The following GPHN variants were observed in gnomAD, a reference collection of about 807,000 sequenced individuals.
GPHN encodes the protein gephyrin.
A neutral mutation model predicts 95.5 loss-of-function variants in GPHN; 17 were observed. That is an observed-to-expected ratio of 0.18 (90% CI 0.12 to 0.27). The LOEUF is 0.27. GPHN is among the 10% of genes least tolerant of loss of function. The pLI is 1.00. For synonymous variants in GPHN, 320 were observed against 322.5 expected (o/e 0.99, Z 0.08); for missense variants, 660 against 978.1 (o/e 0.67, Z 4.34).
the GPHN span, chr14:67,392,230 C>T: frequency 3.5e-6 from 3 of 854,660 alleles, no homozygotes; most frequent in Admixed American, 5.3e-5. Flanking sequence ...TTGGTGCCCT[C>T]CAGCAGCCTC....
the GPHN span, among the ~76,000 whole-genome samples, chr14:67,329,880 A>G: frequency 4.9e-3 from 437 of 89,668 alleles, 4 homozygotes; most frequent in African/African-American, 0.04. Flanking sequence ...ATAAATAAAT[A>G]GATATAGAAA....
chr14:66,642,134 C>T (rs543908566), intron 1 of GPHN, among the ~76,000 whole-genome samples: 2 of 152,192 alleles, frequency 1.3e-5, no homozygotes, highest in South Asian at 4.1e-4. Context: ...AGCCCTAATT[C>T]GTGGTACCTG....
At chr14:67,695,523 G>A in the GPHN span, 1 of 1,128,268 alleles carries the variant, frequency 8.9e-7, no homozygotes, top group Non-Finnish European at 1.3e-6. Context: ...CCGCCATCTT[G>A]GAGCCCCCCC....
chr14:67,376,469 G>A, the GPHN span: 2 of 1,613,748 alleles, frequency 1.2e-6, no homozygotes, highest in Non-Finnish European at 1.7e-6. Context: ...TGTTGCTGAG[G>A]TGTTAGAATA....
chr14:66,752,592 A>T (rs1353628811), intron 2 of GPHN, among the ~76,000 whole-genome samples: 1 of 152,026 alleles, frequency 6.6e-6, no homozygotes, highest in African/African-American at 2.4e-5. Flanking sequence ...ATTGATGTTG[A>T]CTCCAAACAA....
intron 12 of GPHN, among the ~76,000 whole-genome samples, chr14:67,095,276 A>G (rs1203505423): frequency 6.6e-6 from 1 of 152,190 alleles, no homozygotes; most frequent in Non-Finnish European, 1.5e-5. Flanking sequence ...AGGGTAATCC[A>G]TGGACCAGCA....
intron 9 of GPHN, among the ~76,000 whole-genome samples, chr14:67,005,644 T>C (rs2072553910): frequency 1.3e-5 from 2 of 151,940 alleles, no homozygotes; most frequent in South Asian, 4.1e-4. Flanking sequence ...CATTTTTCAG[T>C]GAGTTATTTT....
At chr14:67,636,486 T>C in the GPHN span, among the ~76,000 whole-genome samples, 1 of 152,202 alleles carries the variant, frequency 6.6e-6, no homozygotes, top group Non-Finnish European at 1.5e-5. Context: ...AGGCAGACAA[T>C]TATTATCCAT....
chr14:67,670,854 G>C, the GPHN span, among the ~76,000 whole-genome samples: 2 of 152,114 alleles, frequency 1.3e-5, no homozygotes, highest in Non-Finnish European at 2.9e-5. Context: ...TAAGAACTCT[G>C]GAAGTCCTCA....
chr14:67,465,633 G>T, the GPHN span, among the ~76,000 whole-genome samples: 3 of 152,132 alleles, frequency 2.0e-5, no homozygotes, highest in Non-Finnish European at 4.4e-5. Context: ...TTCCTAAGTG[G>T]GTACAAAATG....
Position 66,508,320 on chromosome 14 carries a change from C to T in GPHN, c.-208C>T, listed in dbSNP as rs917882313. On this transcript the variant is annotated 5_prime_UTR_variant, in exon 1 of 23. Coordinates refer to ENST00000478722, the MANE Select transcript of GPHN (RefSeq NM_020806.5). The stretch of plus-strand genomic sequence containing the variant: ...GGGGCCGCGCGCCCTGACTCCTTCC[C>T]CTCCCGCGGACCCGCGCACTCCCGG... 136 of 608,480 alleles carry T rather than the reference C, an allele frequency of 2.2e-4. 3 individuals carry two copies. Among genetic ancestry groups the T allele is most frequent in the South Asian group, 9.7e-4 (51 of 52,574 alleles). The allele number at this position is 608,480 out of a possible 1,614,324, so 37.7% of individuals were successfully genotyped here. A position where few individuals can be genotyped will look rare whatever the true frequency, so the allele number is the denominator to read the frequency against.
intron 5 of GPHN, among the ~76,000 whole-genome samples, chr14:66,914,551 T>C (rs187909061): frequency 4.9e-4 from 75 of 152,204 alleles, no homozygotes; most frequent in Non-Finnish European, 8.4e-4. Context: ...ATAGAAATAT[T>C]GGGAGGATAA....
At chr14:67,698,953 C>T in the GPHN span, among the ~76,000 whole-genome samples, 1 of 152,006 alleles carries the variant, frequency 6.6e-6, no homozygotes, top group Non-Finnish European at 1.5e-5. Flanking sequence ...AAAGAGAACT[C>T]TAAAGAAGAT....
the GPHN span, among the ~76,000 whole-genome samples, chr14:67,638,059 G>C: frequency 2.6e-5 from 4 of 152,128 alleles, no homozygotes; most frequent in Non-Finnish European, 5.9e-5. Context: ...CCACAAGCCA[G>C]GTCTCTGAAT....
the GPHN span, among the ~76,000 whole-genome samples, chr14:67,475,634 C>T: frequency 6.6e-6 from 1 of 152,224 alleles, no homozygotes; most frequent in Non-Finnish European, 1.5e-5. Flanking sequence ...TTTGTCTTTG[C>T]TCCATTAAAT....
intron 5 of GPHN, among the ~76,000 whole-genome samples, chr14:66,900,765 G>A (rs1200209997): frequency 2.0e-5 from 3 of 151,892 alleles, no homozygotes; most frequent in Non-Finnish European, 4.4e-5. Context: ...TATAGATACT[G>A]CATTTTCTTT....
the GPHN span, among the ~76,000 whole-genome samples, chr14:67,661,515 CA>C: frequency 7.5e-6 from 1 of 133,914 alleles, no homozygotes; most frequent in Non-Finnish European, 1.6e-5. Flanking sequence ...GTAGGTTTAA[CA>C]AAGAACAGTA....
At chr14:67,541,276 G>A in the GPHN span, among the ~76,000 whole-genome samples, 1 of 152,150 alleles carries the variant, frequency 6.6e-6, no homozygotes, top group Non-Finnish European at 1.5e-5. Context: ...TTAGCTATGT[G>A]ACCTTGGATG....
At chr14:67,037,975 A>G (rs979970809) in intron 10 of GPHN, among the ~76,000 whole-genome samples, 1 of 151,994 alleles carries the variant, frequency 6.6e-6, no homozygotes, top group Non-Finnish European at 1.5e-5. Context: ...AGAATTGAAA[A>G]TAGCATCTCA....
Sources: gnomAD v4.1 joint callset for allele counts (sites outside exome capture counted in the v4.1 genomes callset) on GRCh38, gnomAD v4.1.1 for gene constraint, MANE v1.5 for transcripts, NCBI Gene and HGNC (gene_info 2026-07-23, HGNC 2026-07-21) for gene names.